Variants in KMT2A observed in about 807,000 individuals in gnomAD.
KMT2A encodes the protein histone-lysine N-methyltransferase 2A.
KMT2A carries 16 observed loss-of-function variants against 345.3 expected under a neutral mutation model. The observed-to-expected ratio is 0.05, with a 90% CI of 0.03 to 0.07. The LOEUF is 0.07. Ranked by LOEUF, KMT2A falls within the 10% of genes least tolerant of loss-of-function variation. The pLI, the probability that KMT2A is intolerant of heterozygous loss-of-function variation, is 1.00. For synonymous variants in KMT2A, 1,599 were observed against 1,778.6 expected, an observed-to-expected ratio of 0.90 and a Z score of 2.54; for missense variants, 3,272 against 4,841.6, an observed-to-expected ratio of 0.68 and a Z score of 9.62.
At chr11:118,508,050 TGTAAACAA>T (rs1342033583) in intron 28 of KMT2A, among the ~76,000 whole-genome samples, 2 of 152,250 alleles carry the variant, frequency 1.3e-5, no homozygotes, top group Non-Finnish European at 2.9e-5. Flanking sequence ...AGTACAGGCT[TGTAAACAA>T]GTAAACAAAA....
chr11:118,502,680 C>T lies in KMT2A; in HGVS notation c.6788C>T (p.Thr2263Ile), dbSNP rs782570144. 2.0e-5 allele frequency: 32 copies of T among 1,614,154 alleles called. No homozygotes were observed. The South Asian group carries it at 2.6e-4, about 13-fold the overall frequency. ...LNSSTSLGQNTSTSSNLQRTV... is the reference protein window; with the variant it reads ...LNSSTSLGQNISTSSNLQRTV... ...TCAAGTACTAGTTTAGGGCAAAACA[C>T]TTCCACCTCTTCAAATTTGCAAAGG... Residue 2263 changes from threonine (T) to isoleucine (I), a missense_variant, in exon 27 of 36, where the codon ACT (threonine) becomes ATT (isoleucine). Coordinates refer to ENST00000534358, the MANE Select transcript of KMT2A (RefSeq NM_001197104.2). The surrounding 1 kb of genome is among the most constrained non-coding windows in gnomAD (Gnocchi z 4.9).
chr11:118,506,010 T>C lies in KMT2A; in HGVS notation c.10118T>C (p.Leu3373Pro), dbSNP rs781812638. 2 of 1,614,198 alleles carry C rather than the reference T, an allele frequency of 1.2e-6. No homozygotes were observed. Residue 3373 changes from leucine to proline, a missense_variant, in exon 27 of 36, where the codon CTT becomes CCT. Physicochemically the swap from Leu to Pro is moderately conservative, Grantham distance 98. This residue lies in a region of KMT2A where 748 missense variants were observed against 922.2 expected (regional missense o/e 0.81). Transcript: ENST00000534358. ...GTCACCTTAACCAACCCAAGGTTGC[T>C]TGGTACCCCAGATATTGGCTCAATA... Reference protein sequence around the residue: ...GHVTLTNPRLLGTPDIGSISN... With the variant: ...GHVTLTNPRLPGTPDIGSISN...
chr11:118,482,564 C>A, intron 8 of KMT2A, 69 bp downstream of exon 8: 1 of 1,168,760 alleles, frequency 8.6e-7, no homozygotes, highest in Non-Finnish European at 1.3e-6. Context: ...AAGCCTTATC[C>A]TTGACTTCTA....
In KMT2A at chr11:118,503,351, T is replaced by G. The variant is rs1555046594; in HGVS notation, c.7459T>G (p.Ser2487Ala). ...CCAACGACCATGTAACAATGTTTCT[T>G]CTGATAAGATTGGTGATAAAGGCCT... ...MGQRPCNNVS[S>A]DKIGDKGLSM... is the part of the protein sequence containing the mutation. Residue 2487 changes from serine (S) to alanine (A), a missense_variant, in exon 27 of 36, where the codon TCT becomes GCT. Around this residue, in one of 27 missense-constraint regions of KMT2A, gnomAD observed 445 missense variants for 500.9 expected, o/e 0.89. Transcript: ENST00000534358. This position sits in a 1 kb window ranked among gnomAD's most constrained non-coding sequence, Gnocchi z 5.3. The G allele has an allele frequency of 2.5e-6, 4 of 1,614,148 alleles. No individual in the cohort carries two copies. The highest frequency in any genetic ancestry group is 3.4e-6 in the Non-Finnish European group (4 of 1,180,026).
Position 118,511,985 on chromosome 11 carries a change from A to G in KMT2A, c.11106A>G (p.Glu3702=), listed in dbSNP as rs1555050203. 1 of 1,614,176 alleles carries G rather than the reference A, an allele frequency of 6.2e-7. No homozygotes were observed. Among genetic ancestry groups the G allele is most frequent in the South Asian group, 1.1e-5 (1 of 91,084 alleles). Residue 3702 remains glutamate, a synonymous_variant, in exon 31 of 36, where the codon GAA becomes GAG. Coordinates refer to ENST00000534358, the MANE Select transcript of KMT2A (RefSeq NM_001197104.2). ...AWKSLTDKVQ[E]ARSNARLKQL... is the part of the protein sequence containing the mutation. ...AGTCATTGACAGATAAAGTCCAGGA[A>G]GCTCGATCAAATGCCCGCCTAAAGC... is the stretch of plus-strand genomic sequence containing the variant.
In KMT2A at chr11:118,491,525, T is replaced by C. The variant is rs1464394160; in HGVS notation, c.4819+207T>C. On this transcript the variant is annotated intron_variant, in intron 14 of 35. Coordinates refer to ENST00000534358, the MANE Select transcript of KMT2A (RefSeq NM_001197104.2). The surrounding 1 kb of genome is among the most constrained non-coding windows in gnomAD (Gnocchi z 4.2). ...TAAAGTATTTATTTGCTGTCCTTTG[T>C]GTGTTCCATAACCTGATTCTCAATA... Among the ~76,000 whole-genome samples the C allele has an allele frequency of 6.6e-6, 1 of 152,212 alleles. No individual in the cohort carries two copies. Among genetic ancestry groups the C allele is most frequent in the East Asian group, 1.9e-4 (1 of 5,202 alleles).
At position 118,494,531 on chromosome 11, in the gene KMT2A, T is replaced by C. The variant is rs1027395981; in HGVS notation, c.5289+133T>C. ...ACATCTTTGGTTTAATTTGATCCCC[T>C]GATTCTTTGAGAGGAACTTGGTGAG... On this transcript the variant is annotated intron_variant, in intron 17 of 35. Coordinates refer to ENST00000534358, the MANE Select transcript of KMT2A (RefSeq NM_001197104.2). This position sits in a 1 kb window ranked among gnomAD's most constrained non-coding sequence, Gnocchi z 5.8. 1 of 824,776 alleles carries C rather than the reference T, an allele frequency of 1.2e-6. No homozygotes were observed. The highest frequency in any genetic ancestry group is 2.5e-5 in the Admixed American group (1 of 40,510). 51.1% of individuals were successfully genotyped at this position (824,776 alleles called of 1,614,324 possible).
rs1301729047 is a variant in KMT2A at position 118,520,838 on chromosome 11, C to A, written c.11466C>A (p.Arg3822=). Reference sequence around the variant, plus strand: ...GCATGGATCTGCCAATGCCCATGCGCTTCCGGCACTTAAAAAAGACTTCTA... The same window carrying A: ...GCATGGATCTGCCAATGCCCATGCGATTCCGGCACTTAAAAAAGACTTCTA... ...ATSMDLPMPM[R]FRHLKKTSKE... The change falls in exon 34 of 36, where the codon CGC becomes CGA. Residue 3822 remains arginine, a synonymous_variant. Transcript: ENST00000534358. The surrounding 1 kb of genome is among the most constrained non-coding windows in gnomAD (Gnocchi z 4.3). The A allele has an allele frequency of 1.9e-6, 3 of 1,613,990 alleles. No homozygotes were observed. In the African/African-American group the frequency reaches 4.0e-5, roughly 22 times the overall value.
chr11:118,441,141 A>G (rs1476962646), intron 1 of KMT2A, among the ~76,000 whole-genome samples: 1 of 152,082 alleles, frequency 6.6e-6, no homozygotes, highest in Non-Finnish European at 1.5e-5. Context: ...GTTTATTTCA[A>G]AAGTCAGAGT....
At chr11:118,454,225 A>C (rs782258040) in intron 1 of KMT2A, among the ~76,000 whole-genome samples, 10 of 152,214 alleles carry the variant, frequency 6.6e-5, no homozygotes, top group Non-Finnish European at 1.3e-4. Context: ...GTCTCCCCAC[A>C]CTGCTAGGAT....
chr11:118,453,624 T>C (rs781888203), intron 1 of KMT2A, among the ~76,000 whole-genome samples: 2 of 152,238 alleles, frequency 1.3e-5, no homozygotes, highest in Non-Finnish European at 2.9e-5. Flanking sequence ...TAACACTGAC[T>C]ACTTCTCAGA....
intron 1 of KMT2A, among the ~76,000 whole-genome samples, chr11:118,455,670 ATT>A (rs151144961): frequency 4.7e-4 from 70 of 148,964 alleles, no homozygotes; most frequent in African/African-American, 1.7e-3. Context: ...TATTATTATT[ATT>A]TTTTTTTATT....
chr11:118,468,647 AATG>A lies in KMT2A; in HGVS notation c.433-122_433-120del, dbSNP rs1199240640. ...TTAGTTATTTTATAGTATCCATTGG[AATG>A]ATGATAATTAATATATAAAGGCAAC... On this transcript the variant is annotated intron_variant, in intron 1 of 35. Coordinates refer to ENST00000534358, the MANE Select transcript of KMT2A (RefSeq NM_001197104.2). 14 of 692,182 alleles carry A rather than the reference AATG, an allele frequency of 2.0e-5. No homozygotes were observed. The African/African-American group carries it at 2.3e-4, about 11-fold the overall frequency. The allele number at this position is 692,182 out of a possible 1,614,324, so 42.9% of individuals were successfully genotyped here.
chr11:118,522,210 CG>C lies in KMT2A; in HGVS notation c.*42del. On this transcript the variant is annotated 3_prime_UTR_variant, in exon 36 of 36. Coordinates refer to ENST00000534358, the MANE Select transcript of KMT2A (RefSeq NM_001197104.2). This position sits in a 1 kb window ranked among gnomAD's most constrained non-coding sequence, Gnocchi z 5.4. ...CCCCCAGTGTTGGAGTGCAAGGAGG[CG>C]GGGCCATCCAAAGCAACGCTGAAGG... 1 of 1,602,062 alleles carries C rather than the reference CG, an allele frequency of 6.2e-7. No individual in the cohort carries two copies. Among genetic ancestry groups the C allele is most frequent in the Non-Finnish European group, 8.5e-7 (1 of 1,171,460 alleles).
chr11:118,459,762 C>G (rs1238065726), intron 1 of KMT2A, among the ~76,000 whole-genome samples: 1 of 151,080 alleles, frequency 6.6e-6, no homozygotes, highest in Non-Finnish European at 1.5e-5. Flanking sequence ...CTACCCGGCC[C>G]TCCCAACCCC....
Position 118,525,293 on chromosome 11 carries a change from T to C in KMT2A, c.*3121T>C, listed in dbSNP as rs529612382. 11 of 228,806 alleles carry C rather than the reference T, an allele frequency of 4.8e-5. No homozygotes were observed. Among genetic ancestry groups the C allele is most frequent in the Admixed American group, 2.3e-4 (4 of 17,636 alleles). The allele number at this position is 228,806 out of a possible 1,614,324, so 14.2% of individuals were successfully genotyped here. ...TTCTCAGTGAGAGCCAGCTCACTTA[T>C]AGCTTTGCTGCTAGAACCTGTTGTG... is the stretch of plus-strand genomic sequence containing the variant. On this transcript the variant is annotated 3_prime_UTR_variant, in exon 36 of 36. Coordinates refer to ENST00000534358, the MANE Select transcript of KMT2A (RefSeq NM_001197104.2).
intron 10 of KMT2A, among the ~76,000 whole-genome samples, chr11:118,485,430 G>T (rs1950210865): frequency 6.6e-6 from 1 of 152,092 alleles, no homozygotes; most frequent in East Asian, 1.9e-4. Flanking sequence ...AATACATGTT[G>T]GGTGGCAGGG....
intron 1 of KMT2A, among the ~76,000 whole-genome samples, chr11:118,451,633 C>T (rs1381257631): frequency 6.6e-6 from 1 of 151,458 alleles, no homozygotes; most frequent in Non-Finnish European, 1.5e-5. Context: ...AGGTGATCCA[C>T]CCACCTCGGC....
chr11:118,501,068 A>G lies in KMT2A; in HGVS notation c.6240A>G (p.Pro2080=). ...GCAAGATAGTGGAGTGCCGTCCTCC[A>G]GTCGTAGAGCCGGATATCAACAGCA... ...YTCKIVECRP[P]VVEPDINSTV... is the part of the protein sequence containing the mutation. Residue 2080 remains proline, a synonymous_variant, in exon 25 of 36, where the codon CCA becomes CCG. Transcript: ENST00000534358. The G allele has an allele frequency of 2.5e-6, 4 of 1,614,194 alleles. No individual in the cohort carries two copies. Among genetic ancestry groups the G allele is most frequent in the Non-Finnish European group, 2.5e-6 (3 of 1,179,992 alleles).
Sources: gnomAD v4.1 joint callset for allele counts (sites outside exome capture counted in the v4.1 genomes callset) on GRCh38, gnomAD v4.1.1 for gene constraint, gnomAD v4.1.1 regional missense constraint, Gnocchi (gnomAD v3.1) non-coding constraint, MANE v1.5 for transcripts, NCBI Gene and HGNC (gene_info 2026-07-23, HGNC 2026-07-21) for gene names.